NBEA: variants seen among roughly 807,000 people sequenced by gnomAD.
NBEA encodes the protein lysosomal-trafficking regulator 2.
NBEA carries 44 observed loss-of-function variants against 343.4 expected under a neutral mutation model. That is an observed-to-expected ratio of 0.13 (90% CI 0.10 to 0.16). The LOEUF is 0.16. Among genes scored for constraint, NBEA ranks in the 10% least tolerant of loss-of-function variants. The pLI is 1.00. For synonymous variants in NBEA, 1,175 were observed against 1,238.7 expected (o/e 0.95, Z 1.08); for missense variants, 2,555 against 3,631.3 (o/e 0.70, Z 7.62).
At chr13:35,348,052 A>G (rs369675819) in intron 36 of NBEA, among the ~76,000 whole-genome samples, 14 of 152,246 alleles carry the variant, frequency 9.2e-5, no homozygotes, top group African/African-American at 3.4e-4. Flanking sequence ...GCTCACAGGA[A>G]GTCACAGGGC....
At chr13:35,588,100 G>A (rs148318801) in intron 46 of NBEA, among the ~76,000 whole-genome samples, 15 of 152,152 alleles carry the variant, frequency 9.9e-5, no homozygotes, top group African/African-American at 3.4e-4. Flanking sequence ...AGGGTACTGA[G>A]TCTTTGAAAT....
chr13:35,135,835 T>A (rs938841230), intron 17 of NBEA, among the ~76,000 whole-genome samples: 7 of 151,932 alleles, frequency 4.6e-5, no homozygotes, highest in African/African-American at 1.7e-4. Context: ...TATTCAATAA[T>A]TGGCAGTGGG....
At chr13:35,217,224 A>T (rs762528692) in intron 33 of NBEA, among the ~76,000 whole-genome samples, 5 of 151,876 alleles carry the variant, frequency 3.3e-5, no homozygotes, top group Non-Finnish European at 5.9e-5. Flanking sequence ...TAATTGGATC[A>T]CTGTTTAACT....
intron 35 of NBEA, among the ~76,000 whole-genome samples, chr13:35,298,032 C>T (rs1031565892): frequency 6.6e-6 from 1 of 151,468 alleles, no homozygotes; most frequent in East Asian, 1.9e-4. Flanking sequence ...TAGCTCAGTA[C>T]TAGTGACCAG....
chr13:35,201,574 G>A (rs973317723), intron 31 of NBEA, among the ~76,000 whole-genome samples: 1 of 151,886 alleles, frequency 6.6e-6, no homozygotes, highest in Non-Finnish European at 1.5e-5. Flanking sequence ...TGGAAATTAG[G>A]GGAACTGGAT....
chr13:35,438,649 G>A (rs1286230800), intron 39 of NBEA, among the ~76,000 whole-genome samples: 2 of 152,114 alleles, frequency 1.3e-5, no homozygotes, highest in Non-Finnish European at 2.9e-5. Context: ...AGGTAATCTG[G>A]TTATGGTTTA....
At chr13:35,146,550 T>C (rs1285271942) in intron 18 of NBEA, among the ~76,000 whole-genome samples, 2 of 152,128 alleles carry the variant, frequency 1.3e-5, no homozygotes, top group Non-Finnish European at 2.9e-5. Flanking sequence ...GGGCATTCCC[T>C]TTTCCAGTGG....
chr13:35,232,681 A>G, intron 34 of NBEA, 62 bp downstream of exon 34: 1 of 1,226,636 alleles, frequency 8.2e-7, no homozygotes, highest in South Asian at 2.1e-5. Flanking sequence ...TCATGGCATA[A>G]TTTGTGCTTC....
intron 48 of NBEA, among the ~76,000 whole-genome samples, chr13:35,613,223 G>A (rs908708299): frequency 6.6e-5 from 10 of 150,798 alleles, no homozygotes; most frequent in Non-Finnish European, 1.5e-4. Context: ...ATCAGCCTCT[G>A]GTAACCACCA....
intron 10 of NBEA, among the ~76,000 whole-genome samples, chr13:35,089,941 G>A (rs12877221): frequency 6.8e-6 from 1 of 147,676 alleles, no homozygotes; most frequent in African/African-American, 2.5e-5. Flanking sequence ...GGATAGCATT[G>A]GGAGATATAC....
In NBEA at chr13:35,239,321, C is replaced by T. The variant is rs555415611; in HGVS notation, c.5776+6702C>T. ...TATCAGCTTATTTGTGGCAAGGACTCATGGTGGCCATCAAATATAGATCTA... is the reference window on the plus strand; with the variant it reads ...TATCAGCTTATTTGTGGCAAGGACTTATGGTGGCCATCAAATATAGATCTA... On this transcript the variant is annotated intron_variant, in intron 34 of 58. Coordinates refer to ENST00000379939, the MANE Select transcript of NBEA (RefSeq NM_001385012.1). 6.6e-5 allele frequency among the ~76,000 whole-genome samples: 10 copies of T among 152,024 alleles called. No homozygotes were observed. The East Asian group carries it at 1.9e-3, about 29-fold the overall frequency.
chr13:35,081,528 CTT>C (rs879618877), intron 10 of NBEA, among the ~76,000 whole-genome samples: 1 of 143,304 alleles, frequency 7.0e-6, no homozygotes, highest in Admixed American at 7.1e-5. Flanking sequence ...GATGGGCAAG[CTT>C]TTTTTTTTTA....
At chr13:35,385,279 G>GT (rs2042191903) in intron 38 of NBEA, among the ~76,000 whole-genome samples, 1 of 152,230 alleles carries the variant, frequency 6.6e-6, no homozygotes, top group Admixed American at 6.5e-5. Flanking sequence ...TAAAATTACA[G>GT]TTTTTTATAA....
intron 41 of NBEA, among the ~76,000 whole-genome samples, chr13:35,478,883 G>C (rs1407879860): frequency 6.6e-6 from 1 of 152,254 alleles, no homozygotes; most frequent in South Asian, 2.1e-4. Flanking sequence ...CCCCAGGGCT[G>C]TTCGGGGGAC....
At chr13:35,040,218 G>A (rs2062599529) in intron 1 of NBEA, among the ~76,000 whole-genome samples, 1 of 151,978 alleles carries the variant, frequency 6.6e-6, no homozygotes, top group Non-Finnish European at 1.5e-5. Flanking sequence ...AGTAAAGAGT[G>A]TTATTATGTT....
chr13:35,138,588 T>G (rs2152692017), intron 17 of NBEA, among the ~76,000 whole-genome samples: 1 of 151,532 alleles, frequency 6.6e-6, no homozygotes, highest in South Asian at 2.1e-4. Flanking sequence ...GCCTCCAGAG[T>G]AGCTGGGATT....
intron 34 of NBEA, among the ~76,000 whole-genome samples, chr13:35,277,768 T>C (rs1479950192): frequency 1.3e-5 from 2 of 149,962 alleles, no homozygotes; most frequent in African/African-American, 4.9e-5. Flanking sequence ...TTGAAAAAAA[T>C]TTGAATAGAA....
chr13:35,132,833 A>G (rs924087523), intron 17 of NBEA, among the ~76,000 whole-genome samples: 2 of 152,214 alleles, frequency 1.3e-5, no homozygotes, highest in East Asian at 3.8e-4. Flanking sequence ...TAATTTTTAA[A>G]TGAATTGTTC....
At chr13:34,948,826 A>G (rs2059265682) in intron 1 of NBEA, among the ~76,000 whole-genome samples, 1 of 152,168 alleles carries the variant, frequency 6.6e-6, no homozygotes, top group Non-Finnish European at 1.5e-5. Context: ...CTTTGATACA[A>G]TGTCTTTTAA....
Sources: gnomAD v4.1 joint callset for allele counts (sites outside exome capture counted in the v4.1 genomes callset) on GRCh38, gnomAD v4.1.1 for gene constraint, MANE v1.5 for transcripts, NCBI Gene and HGNC (gene_info 2026-07-23, HGNC 2026-07-21) for gene names.